FBXL17: variants seen among roughly 807,000 people sequenced by gnomAD.
FBXL17 encodes F-box/LRR-repeat protein 17.
FBXL17 carries 22 observed loss-of-function variants against 66.2 expected under a neutral mutation model. The observed-to-expected ratio is 0.33, with a 90% CI of 0.24 to 0.47. The LOEUF (loss-of-function observed/expected upper bound fraction) is 0.47, where lower values mean the gene tolerates loss of function less well. Ranked by LOEUF, FBXL17 falls within the 20% of genes least tolerant of loss-of-function variation. The pLI is 1.00. For synonymous variants in FBXL17, 474 were observed against 400.5 expected (o/e 1.18, Z -2.19); for missense variants, 878 against 948.2 (o/e 0.93, Z 0.97).
At chr5:108,373,991 T>A (rs1291303042) in intron 1 of FBXL17, among the ~76,000 whole-genome samples, 1 of 152,064 alleles carries the variant, frequency 6.6e-6, no homozygotes, top group Non-Finnish European at 1.5e-5. Flanking sequence ...TACAAGAGAC[T>A]CAATTTAGAT....
chr5:107,948,730 T>G (rs957092347), intron 7 of FBXL17, among the ~76,000 whole-genome samples: 4 of 152,232 alleles, frequency 2.6e-5, no homozygotes, highest in Admixed American at 2.0e-4. Context: ...CATCATTAAC[T>G]AGTTATGTGA....
At chr5:108,111,579 C>A (rs551447877) in intron 6 of FBXL17, among the ~76,000 whole-genome samples, 1 of 152,162 alleles carries the variant, frequency 6.6e-6, no homozygotes, top group Admixed American at 6.5e-5. Context: ...ATGCTGTATA[C>A]AAGATCTAGT....
intron 6 of FBXL17, among the ~76,000 whole-genome samples, chr5:108,024,499 TG>T (rs1182930096): frequency 1.6e-4 from 25 of 152,174 alleles, no homozygotes; most frequent in African/African-American, 5.8e-4. Context: ...CCAAATCAAA[TG>T]TCTTCGGTTC....
At chr5:107,960,276 T>C (rs1475566614) in intron 7 of FBXL17, among the ~76,000 whole-genome samples, 2 of 152,210 alleles carry the variant, frequency 1.3e-5, no homozygotes, top group Non-Finnish European at 2.9e-5. Context: ...AAGATATGTA[T>C]ACACTATGGA....
At chr5:107,947,045 A>G (rs1272860090) in intron 7 of FBXL17, among the ~76,000 whole-genome samples, 2 of 152,204 alleles carry the variant, frequency 1.3e-5, no homozygotes, top group African/African-American at 4.8e-5. Context: ...TAGCTCCTCT[A>G]TTGTGAAAGA....
intron 6 of FBXL17, among the ~76,000 whole-genome samples, chr5:108,153,352 G>A (rs914924374): frequency 1.1e-4 from 17 of 152,180 alleles, no homozygotes; most frequent in African/African-American, 4.1e-4. Flanking sequence ...GAAGCATTAT[G>A]ATACATGGCA....
At chr5:108,255,375 A>C (rs895065268) in intron 4 of FBXL17, among the ~76,000 whole-genome samples, 4 of 152,124 alleles carry the variant, frequency 2.6e-5, no homozygotes, top group African/African-American at 9.7e-5. Flanking sequence ...ATAAATCTAA[A>C]AACTGACATG....
intron 6 of FBXL17, among the ~76,000 whole-genome samples, chr5:108,038,401 C>A (rs775616706): frequency 6.6e-6 from 1 of 151,884 alleles, no homozygotes; most frequent in Non-Finnish European, 1.5e-5. Flanking sequence ...AAAAAACCCT[C>A]AAAGTTTAGG....
chr5:107,959,618 G>C (rs1031678679), intron 7 of FBXL17, among the ~76,000 whole-genome samples: 1 of 152,082 alleles, frequency 6.6e-6, no homozygotes, highest in Non-Finnish European at 1.5e-5. Flanking sequence ...ATTTTAATAG[G>C]AGTGGCTTTT....
Position 108,380,893 on chromosome 5 carries a change from A to C in FBXL17, c.799T>G (p.Ser267Ala). ...PLCPPPSSPT[S>A]EGAPTEAGGD... Reference sequence around the variant, plus strand: ...CCAGCTTCGGTGGGGGCACCTTCGGAGGTGGGAGAAGAGGGCGGAGGGCAG... The same window carrying C: ...CCAGCTTCGGTGGGGGCACCTTCGGCGGTGGGAGAAGAGGGCGGAGGGCAG... The change falls in exon 1 of 9, where the codon TCC (serine) becomes GCC (alanine). Residue 267 changes from serine (S) to alanine (A), a missense_variant. Coordinates refer to ENST00000542267, the MANE Select transcript of FBXL17 (RefSeq NM_001163315.3). 7 of 1,235,308 alleles carry C rather than the reference A, an allele frequency of 5.7e-6. No homozygotes were observed. Among genetic ancestry groups the C allele is most frequent in the Middle Eastern group, 4.6e-4 (2 of 4,352 alleles). 76.5% of individuals were successfully genotyped at this position (1,235,308 alleles called of 1,614,324 possible).
At chr5:108,326,155 T>C (rs1195862786) in intron 4 of FBXL17, among the ~76,000 whole-genome samples, 1 of 152,248 alleles carries the variant, frequency 6.6e-6, no homozygotes, top group African/African-American at 2.4e-5. Flanking sequence ...AGTAAAAACC[T>C]TGCTCTCTTC....
intron 6 of FBXL17, among the ~76,000 whole-genome samples, chr5:108,096,934 T>C (rs1462256439): frequency 2.0e-5 from 3 of 152,208 alleles, no homozygotes; most frequent in African/African-American, 7.2e-5. Flanking sequence ...TAAAGGCACA[T>C]GCATGGGGCA....
intron 6 of FBXL17, among the ~76,000 whole-genome samples, chr5:108,158,632 G>A (rs1752091061): frequency 6.6e-6 from 1 of 151,878 alleles, no homozygotes; most frequent in South Asian, 2.1e-4. Context: ...TGGAGCAGAA[G>A]GAACAGGGCC....
chr5:108,226,125 C>A (rs1755089247), intron 4 of FBXL17, among the ~76,000 whole-genome samples: 1 of 152,146 alleles, frequency 6.6e-6, no homozygotes, highest in Non-Finnish European at 1.5e-5. Flanking sequence ...GATCACATTA[C>A]ACACTTACTC....
At chr5:107,931,526 A>T (rs1412005653) in intron 7 of FBXL17, among the ~76,000 whole-genome samples, 1 of 151,490 alleles carries the variant, frequency 6.6e-6, no homozygotes, top group Admixed American at 6.6e-5. Flanking sequence ...CTCCTCCCAA[A>T]GTGCTGGGAT....
chr5:108,145,754 T>C (rs1412578699), intron 6 of FBXL17, among the ~76,000 whole-genome samples: 2 of 151,816 alleles, frequency 1.3e-5, no homozygotes, highest in Non-Finnish European at 2.9e-5. Context: ...CCAAAGGACA[T>C]TTTTAAAGGG....
At chr5:108,093,017 T>A (rs1749242091) in intron 6 of FBXL17, among the ~76,000 whole-genome samples, 1 of 152,100 alleles carries the variant, frequency 6.6e-6, no homozygotes, top group Non-Finnish European at 1.5e-5. Flanking sequence ...ACCATTCACT[T>A]AGACCAATAA....
At chr5:108,163,399 CT>C (rs764052812) in intron 6 of FBXL17, among the ~76,000 whole-genome samples, 90 of 129,544 alleles carry the variant, frequency 6.9e-4, no homozygotes, top group African/African-American at 1.7e-3. Context: ...TTTTTTTTTT[CT>C]TTTTTTTTTT....
intron 7 of FBXL17, among the ~76,000 whole-genome samples, chr5:107,927,256 T>C (rs1385055167): frequency 4.6e-5 from 7 of 152,134 alleles, no homozygotes. Context: ...ATAAGAACTG[T>C]AACTACATTA....
Sources: allele counts gnomAD v4.1 joint callset (sites outside exome capture counted in the v4.1 genomes callset), GRCh38; gene constraint gnomAD v4.1.1; transcripts MANE v1.5; gene names NCBI Gene and HGNC (gene_info 2026-07-23, HGNC 2026-07-21).